The following CHST9 variants were observed in gnomAD, a reference collection of about 807,000 sequenced individuals.
CHST9 encodes the protein GalNAc-4-sulfotransferase 2.
CHST9 carries 41 observed loss-of-function variants against 44.4 expected under a neutral mutation model. The observed-to-expected ratio is 0.92, with a 90% CI of 0.72 to 1.20. The LOEUF (loss-of-function observed/expected upper bound fraction) is 1.20. Among genes scored for constraint, CHST9 ranks in the 50% most tolerant of loss-of-function variants. The pLI, the probability that CHST9 is intolerant of heterozygous loss-of-function variation, is 0.00. For missense variants in CHST9, 504 were observed against 516.5 expected, an observed-to-expected ratio of 0.98 and a Z score of 0.23; for synonymous variants, 171 against 178.4, an observed-to-expected ratio of 0.96 and a Z score of 0.33.
chr18:27,002,094 C>T (rs2056960391), intron 4 of CHST9, among the ~76,000 whole-genome samples: 1 of 151,926 alleles, frequency 6.6e-6, no homozygotes. Flanking sequence ...GAAAGAGTCA[C>T]TCCTTCCTTT....
chr18:27,176,240 A>G (rs1235639239), intron 1 of CHST9, among the ~76,000 whole-genome samples: 1 of 151,958 alleles, frequency 6.6e-6, no homozygotes, highest in Non-Finnish European at 1.5e-5. Context: ...TTTAAGTGTT[A>G]TCCGTGGTTG....
chr18:27,051,456 T>C (rs997500695), intron 2 of CHST9, among the ~76,000 whole-genome samples: 4 of 152,160 alleles, frequency 2.6e-5, no homozygotes, highest in Admixed American at 2.0e-4. Context: ...TCAATATTCC[T>C]TTCTTTTGGA....
chr18:26,980,720 A>G (rs1331332752), intron 4 of CHST9, among the ~76,000 whole-genome samples: 1 of 152,170 alleles, frequency 6.6e-6, no homozygotes, highest in Non-Finnish European at 1.5e-5. Flanking sequence ...AATCTGTTTA[A>G]AAAAAGTCCA....
Position 26,908,739 on chromosome 18 carries a change from T to C in CHST9, c.*7520A>G, listed in dbSNP as rs1037850973. 3.9e-5 allele frequency: 6 copies of C among 152,182 alleles called. No individual in the cohort carries two copies. The highest frequency in any genetic ancestry group is 7.3e-5 in the Non-Finnish European group (5 of 68,032). 9.4% of individuals were successfully genotyped at this position (152,182 alleles called of 1,614,324 possible). A position where few individuals can be genotyped will look rare whatever the true frequency, so the allele number is the denominator to read the frequency against. On this transcript the variant is annotated 3_prime_UTR_variant, in exon 6 of 6. Transcript: ENST00000618847. ...AGTCAGTCAAATGTTGGCAATGTCATATGGTTCAACCTAATAGAAAGGCAA... is the reference window on the plus strand; with the variant it reads ...AGTCAGTCAAATGTTGGCAATGTCACATGGTTCAACCTAATAGAAAGGCAA...
intron 1 of CHST9, among the ~76,000 whole-genome samples, chr18:27,162,698 T>C (rs1209554777): frequency 6.6e-6 from 1 of 152,218 alleles, no homozygotes. Flanking sequence ...TTGGTTATTC[T>C]AGTTAGCCAT....
At chr18:27,113,003 T>A (rs2058287050) in intron 2 of CHST9, among the ~76,000 whole-genome samples, 1 of 151,890 alleles carries the variant, frequency 6.6e-6, no homozygotes, top group Non-Finnish European at 1.5e-5. Context: ...TCCTGGCTAA[T>A]GTAGTGAAAC....
At chr18:27,133,637 T>C (rs1284043990) in intron 2 of CHST9, among the ~76,000 whole-genome samples, 1 of 152,172 alleles carries the variant, frequency 6.6e-6, no homozygotes, top group Non-Finnish European at 1.5e-5. Flanking sequence ...GCAGAGCATA[T>C]GTAAGCAAAC....
intron 2 of CHST9, among the ~76,000 whole-genome samples, chr18:27,131,543 C>T (rs1567930098): frequency 6.6e-6 from 1 of 152,144 alleles, no homozygotes; most frequent in Non-Finnish European, 1.5e-5. Flanking sequence ...ACGAGCAAAA[C>T]TCCGTATCAA....
At chr18:27,056,792 T>C (rs1363002261) in intron 2 of CHST9, among the ~76,000 whole-genome samples, 3 of 152,230 alleles carry the variant, frequency 2.0e-5, no homozygotes, top group Admixed American at 6.5e-5. Context: ...GTTGAGACTT[T>C]GGGAGTTTTC....
At chr18:26,983,161 G>A (rs2056713271) in intron 4 of CHST9, among the ~76,000 whole-genome samples, 1 of 152,208 alleles carries the variant, frequency 6.6e-6, no homozygotes, top group Non-Finnish European at 1.5e-5. Context: ...TCTGTAGAGA[G>A]TATGTTTGGA....
chr18:27,120,540 T>C (rs1467372805), intron 2 of CHST9, among the ~76,000 whole-genome samples: 2 of 151,942 alleles, frequency 1.3e-5, no homozygotes, highest in Non-Finnish European at 2.9e-5. Flanking sequence ...CCAGAACTCA[T>C]GAACTGAAAT....
intron 4 of CHST9, among the ~76,000 whole-genome samples, chr18:26,985,378 C>CA (rs1329034486): frequency 6.6e-6 from 1 of 152,138 alleles, no homozygotes; most frequent in African/African-American, 2.4e-5. Context: ...CAAATTAAGA[C>CA]AAAATAGAAT....
At chr18:26,935,684 A>G (rs1186971383) in intron 5 of CHST9, 2 of 152,180 alleles carry the variant, frequency 1.3e-5, no homozygotes, top group African/African-American at 4.8e-5. Context: ...TATACCAGTG[A>G]TGAAACAGGG....
chr18:27,005,070 A>T (rs901610495), intron 4 of CHST9, among the ~76,000 whole-genome samples: 26 of 152,298 alleles, frequency 1.7e-4, no homozygotes, highest in African/African-American at 6.0e-4. Context: ...TCTCCTGATC[A>T]CTTCTGATAT....
Position 26,916,650 on chromosome 18 carries a change from C to A in CHST9, c.941G>T (p.Arg314Leu). Residue 314 changes from arginine to leucine, a missense_variant, in exon 6 of 6, where the codon CGA becomes CTA. Coordinates refer to ENST00000618847, the MANE Select transcript of CHST9 (RefSeq NM_031422.6). ...VFGKAIIKKY[R>L]PNACEEALIN... is the part of the protein sequence containing the mutation. The stretch of plus-strand genomic sequence containing the variant: ...TAATGCTTCTTCACAGGCATTTGGT[C>A]GATATTTCTTGATAATTGCCTTTCC... 1 of 1,613,698 alleles carries A rather than the reference C, an allele frequency of 6.2e-7. No individual in the cohort carries two copies. The highest frequency in any genetic ancestry group is 1.1e-5 in the South Asian group (1 of 91,016).
chr18:27,066,325 C>T (rs998671914), intron 2 of CHST9, among the ~76,000 whole-genome samples: 7 of 152,130 alleles, frequency 4.6e-5, no homozygotes, highest in Non-Finnish European at 8.8e-5. Context: ...TCCATCTCCT[C>T]ATGTTCAAGG....
chr18:27,035,286 G>A (rs1282963939), intron 3 of CHST9, among the ~76,000 whole-genome samples: 1 of 151,994 alleles, frequency 6.6e-6, no homozygotes, highest in African/African-American at 2.4e-5. Context: ...TATACCTATT[G>A]GCCATTTGTA....
At chr18:27,184,915 T>C (rs1598788913) in intron 1 of CHST9, among the ~76,000 whole-genome samples, 1 of 151,650 alleles carries the variant, frequency 6.6e-6, no homozygotes, top group African/African-American at 2.4e-5. Flanking sequence ...CCTCCCGCCA[T>C]GCGTCCACTG....
At chr18:26,977,055 T>C (rs1319403864) in intron 4 of CHST9, among the ~76,000 whole-genome samples, 1 of 150,752 alleles carries the variant, frequency 6.6e-6, no homozygotes, top group Admixed American at 6.9e-5. Context: ...AATGGGAGCA[T>C]CCTTCATGCA....
Sources: gnomAD v4.1 joint callset for allele counts (sites outside exome capture counted in the v4.1 genomes callset) on GRCh38, gnomAD v4.1.1 for gene constraint, MANE v1.5 for transcripts, NCBI Gene and HGNC (gene_info 2026-07-23, HGNC 2026-07-21) for gene names.